The following DLGAP2 variants were observed in gnomAD, a reference collection of about 807,000 sequenced individuals.
DLGAP2 encodes the protein disks large-associated protein 2.
DLGAP2 carries 26 observed loss-of-function variants against 100.3 expected under a neutral mutation model. The ratio of observed to expected loss-of-function variants is 0.26; its 90% CI spans 0.19 to 0.36. DLGAP2 has a LOEUF of 0.36. Ranked by LOEUF, DLGAP2 falls within the 10% of genes least tolerant of loss-of-function variation. The probability of loss-of-function intolerance (pLI) is 1.00; values close to 1 mark genes in which losing one functional copy is unlikely to be tolerated. For synonymous variants in DLGAP2, 886 were observed against 630.1 expected, an observed-to-expected ratio of 1.41 and a Z score of -6.08; for missense variants, 1,858 against 1,453.2, an observed-to-expected ratio of 1.28 and a Z score of -4.53.
intron 8 of DLGAP2, among the ~76,000 whole-genome samples, chr8:1,654,048 G>C (rs1473418993): frequency 6.6e-6 from 1 of 152,148 alleles, no homozygotes; most frequent in East Asian, 1.9e-4. Flanking sequence ...CATGTGCATG[G>C]TAAAAATAAA....
chr8:1,229,768 C>G (rs1798495567), intron 2 of DLGAP2, among the ~76,000 whole-genome samples: 1 of 152,144 alleles, frequency 6.6e-6, no homozygotes, highest in Non-Finnish European at 1.5e-5. Flanking sequence ...CAAACAAAAA[C>G]CATACGTTCA....
At chr8:1,064,880 T>C (rs1803198329) in intron 2 of DLGAP2, among the ~76,000 whole-genome samples, 1 of 152,098 alleles carries the variant, frequency 6.6e-6, no homozygotes, top group Non-Finnish European at 1.5e-5. Context: ...TGCACACACC[T>C]AATGTGGAGA....
intron 7 of DLGAP2, among the ~76,000 whole-genome samples, chr8:1,627,626 C>G (rs1400746069): frequency 6.6e-6 from 1 of 152,278 alleles, no homozygotes; most frequent in Non-Finnish European, 1.5e-5. Flanking sequence ...AGTGCTTGAG[C>G]TGACCTTGAG....
chr8:1,145,217 C>G (rs891375424), intron 2 of DLGAP2, among the ~76,000 whole-genome samples: 1 of 152,112 alleles, frequency 6.6e-6, no homozygotes, highest in African/African-American at 2.4e-5. Context: ...CCTCCAGCCA[C>G]TGTACAGAAA....
chr8:1,023,669 G>A (rs372728005), intron 2 of DLGAP2, among the ~76,000 whole-genome samples: 1 of 152,000 alleles, frequency 6.6e-6, no homozygotes, highest in African/African-American at 2.4e-5. Flanking sequence ...TATCATTAGC[G>A]GCTCTTGTTT....
chr8:1,292,901 G>T (rs775022594), intron 3 of DLGAP2, among the ~76,000 whole-genome samples: 1 of 152,152 alleles, frequency 6.6e-6, no homozygotes, highest in African/African-American at 2.4e-5. Flanking sequence ...CGTGGGTCAG[G>T]GTCCCCTCTG....
intron 2 of DLGAP2, among the ~76,000 whole-genome samples, chr8:1,196,839 C>T (rs1797762399): frequency 6.6e-6 from 1 of 152,102 alleles, no homozygotes; most frequent in Non-Finnish European, 1.5e-5. Context: ...CACCAGGGTT[C>T]TCCCGAAAAG....
chr8:1,096,307 G>C (rs6559217), intron 2 of DLGAP2, among the ~76,000 whole-genome samples: 12,660 of 152,316 alleles, frequency 0.083, 1,243 homozygotes, highest in African/African-American at 0.24. Flanking sequence ...AGGAAACTTG[G>C]ATGCAGGAGG....
chr8:1,235,166 ACACATGGCGCCG>A (rs1798620489), intron 2 of DLGAP2, among the ~76,000 whole-genome samples: 5 of 104,082 alleles, frequency 4.8e-5, no homozygotes, highest in Non-Finnish European at 9.9e-5. Flanking sequence ...TAGTTCTCTC[ACACATGGCGCCG>A]TGTCTGCTTC....
chr8:1,057,808 A>G (rs943817375), intron 2 of DLGAP2, among the ~76,000 whole-genome samples: 1 of 152,224 alleles, frequency 6.6e-6, no homozygotes, highest in Non-Finnish European at 1.5e-5. Context: ...CTTTAGTTCA[A>G]TGTAGCAAAA....
intron 3 of DLGAP2, among the ~76,000 whole-genome samples, chr8:1,302,955 G>T (rs1800394705): frequency 6.6e-6 from 1 of 152,202 alleles, no homozygotes; most frequent in African/African-American, 2.4e-5. Context: ...CACGTCCTTG[G>T]AGATTCCATC....
chr8:1,101,562 A>G (rs1405424129), intron 2 of DLGAP2, among the ~76,000 whole-genome samples: 2 of 152,098 alleles, frequency 1.3e-5, no homozygotes, highest in African/African-American at 4.8e-5. Context: ...GCAGACGCTC[A>G]GTCTGGGAAG....
intron 2 of DLGAP2, among the ~76,000 whole-genome samples, chr8:1,009,922 A>T (rs573584173): frequency 1.6e-4 from 25 of 152,360 alleles, no homozygotes; most frequent in African/African-American, 4.6e-4. Context: ...TTAACAAGCC[A>T]GTAAGGTCTT....
chr8:1,085,605 C>G lies in DLGAP2; in HGVS notation c.74-173246C>G, dbSNP rs1473926382. 9.2e-5 allele frequency among the ~76,000 whole-genome samples: 14 copies of G among 152,174 alleles called. 1 individual carries two copies. Among genetic ancestry groups the G allele is most frequent in the Non-Finnish European group, 1.5e-5 (1 of 68,028 alleles). ...ATGTGTGGGTTCGTTTCTGGGCTCTCTGTTCTGTTCCATTCGTTGATGTGC... is the reference window on the plus strand; with the variant it reads ...ATGTGTGGGTTCGTTTCTGGGCTCTGTGTTCTGTTCCATTCGTTGATGTGC... On this transcript the variant is annotated intron_variant, in intron 2 of 14. Coordinates refer to ENST00000637795, the MANE Select transcript of DLGAP2 (RefSeq NM_001346810.2).
rs184354005 is a variant in DLGAP2, at chr8:1,041,591, C to T, written c.73+133625C>T. Among the ~76,000 whole-genome samples the T allele has an allele frequency of 4.4e-4, 64 of 144,920 alleles. No individual in the cohort carries two copies. In the East Asian group the frequency reaches 0.011, roughly 24 times the overall value. ...GGTGAGTGTTCTCCGAACCCCTTGCCGTGGGTGAGTGTTCTCCGAGCCCCT... is the reference window on the plus strand; with the variant it reads ...GGTGAGTGTTCTCCGAACCCCTTGCTGTGGGTGAGTGTTCTCCGAGCCCCT... On this transcript the variant is annotated intron_variant, in intron 2 of 14. Transcript: ENST00000637795.
intron 2 of DLGAP2, among the ~76,000 whole-genome samples, chr8:1,216,471 C>T (rs1301259722): frequency 6.6e-6 from 1 of 151,832 alleles, no homozygotes; most frequent in Non-Finnish European, 1.5e-5. Context: ...TCTTCAACCT[C>T]CCACGTATGT....
chr8:837,246 T>C lies in DLGAP2; in HGVS notation c.19-70666T>C, dbSNP rs557659145. Among the ~76,000 whole-genome samples the C allele has an allele frequency of 5.7e-3, 872 of 152,298 alleles. 8 individuals carry two copies. Among genetic ancestry groups the C allele is most frequent in the African/African-American group, 0.02 (819 of 41,568 alleles). ...TGCTGGCATGAGCTCGGCCTGGTGT[T>C]CGAGGCAGCCTGGCCAGTCCTCGGA... On this transcript the variant is annotated intron_variant, in intron 1 of 14. Transcript: ENST00000637795.
At chr8:771,426 T>C (rs1174033228) in intron 1 of DLGAP2, among the ~76,000 whole-genome samples, 2 of 152,206 alleles carry the variant, frequency 1.3e-5, no homozygotes, top group Non-Finnish European at 2.9e-5. Flanking sequence ...TTGATTTTCC[T>C]AAAAGGGTTT....
chr8:1,278,495 C>T (rs970800159), intron 3 of DLGAP2, among the ~76,000 whole-genome samples: 3 of 152,168 alleles, frequency 2.0e-5, no homozygotes, highest in Non-Finnish European at 4.4e-5. Context: ...AAAAAAACAA[C>T]TGCATATCAT....
Sources: allele counts gnomAD v4.1 joint callset (sites outside exome capture counted in the v4.1 genomes callset), GRCh38; gene constraint gnomAD v4.1.1; transcripts MANE v1.5; gene names NCBI Gene and HGNC (gene_info 2026-07-23, HGNC 2026-07-21).